SLAMF6: variants seen among roughly 807,000 people sequenced by gnomAD.
SLAMF6 encodes the protein NK-T-B-antigen.
A neutral mutation model predicts 38.3 loss-of-function variants in SLAMF6; 21 were observed. The ratio of observed to expected loss-of-function variants is 0.55; its 90% CI spans 0.39 to 0.79. SLAMF6 has a LOEUF of 0.79. SLAMF6 is among the 30% of genes least tolerant of loss of function. SLAMF6 has a pLI of 0.00. For missense variants in SLAMF6, 341 were observed against 385.3 expected (o/e 0.89, Z 0.96); for synonymous variants, 152 against 146.3 (o/e 1.04, Z -0.28).
chr1:160,499,852 C>T lies in SLAMF6; in HGVS notation c.50-3459G>A, dbSNP rs182131639. On this transcript the variant is annotated intron_variant, in intron 1 of 7. Transcript: ENST00000368057. ...ATGGGTTCCAGGCACATGAACATTGCTGTCATCAACATCTTTCCCATCAGC... is the reference window on the plus strand; with the variant it reads ...ATGGGTTCCAGGCACATGAACATTGTTGTCATCAACATCTTTCCCATCAGC... Among the ~76,000 whole-genome samples, 4 of 152,332 alleles carry T rather than the reference C, an allele frequency of 2.6e-5. No homozygotes were observed. The East Asian group carries it at 7.7e-4, about 29-fold the overall frequency.
intron 1 of SLAMF6, among the ~76,000 whole-genome samples, chr1:160,518,082 A>G (rs1654826137): frequency 6.6e-6 from 1 of 152,082 alleles, no homozygotes; most frequent in Admixed American, 6.6e-5. Flanking sequence ...TGTAACTATG[A>G]ATTCCATTAA....
chr1:160,510,203 C>A (rs1557946659), intron 1 of SLAMF6, among the ~76,000 whole-genome samples: 1 of 152,116 alleles, frequency 6.6e-6, no homozygotes, highest in East Asian at 1.9e-4. Context: ...TCAAGCTCTT[C>A]CCAAAAATAG....
chr1:160,496,409 G>A lies in SLAMF6; in HGVS notation c.50-16C>T, dbSNP rs747136050. 6.2e-7 allele frequency: 1 copy of A among 1,607,850 alleles called. No individual in the cohort carries two copies. ...ACTACATTCCCTGTAAACACAGAAG[G>A]AAAGGTTTTAAAAATGTTCCTGACC... On this transcript the variant is annotated splice_polypyrimidine_tract_variant and intron_variant, in intron 1 of 7. Coordinates refer to ENST00000368057, the MANE Select transcript of SLAMF6 (RefSeq NM_001184714.2).
At chr1:160,497,659 C>T (rs557012401) in intron 1 of SLAMF6, among the ~76,000 whole-genome samples, 19 of 151,982 alleles carry the variant, frequency 1.3e-4, no homozygotes, top group Non-Finnish European at 2.1e-4. Context: ...TAGTCCACAG[C>T]GTCTATTAAT....
chr1:160,504,262 T>C (rs1272850128), intron 1 of SLAMF6, among the ~76,000 whole-genome samples: 1 of 152,156 alleles, frequency 6.6e-6, no homozygotes, highest in Non-Finnish European at 1.5e-5. Context: ...GAGTAGATTT[T>C]AGATACTCTT....
intron 1 of SLAMF6, among the ~76,000 whole-genome samples, chr1:160,503,485 G>C (rs1276012601): frequency 2.0e-5 from 3 of 152,110 alleles, no homozygotes; most frequent in Non-Finnish European, 4.4e-5. Flanking sequence ...AGCACTTGTA[G>C]CCCAGGAACA....
chr1:160,512,495 T>C (rs969806810), intron 1 of SLAMF6, among the ~76,000 whole-genome samples: 4 of 152,196 alleles, frequency 2.6e-5, no homozygotes, highest in Admixed American at 2.6e-4. Flanking sequence ...ACATCCTTTC[T>C]GCCAAGGGAC....
At chr1:160,490,925 C>A (rs921956219) in intron 3 of SLAMF6, among the ~76,000 whole-genome samples, 200 bp downstream of exon 3, 1 of 151,836 alleles carries the variant, frequency 6.6e-6, no homozygotes, top group African/African-American at 2.4e-5. Context: ...GTAGGTTGGA[C>A]GAGGGGTTGG....
chr1:160,516,725 T>C (rs1654761380), intron 1 of SLAMF6, among the ~76,000 whole-genome samples: 1 of 152,138 alleles, frequency 6.6e-6, no homozygotes, highest in South Asian at 2.1e-4. Context: ...CACTATCTGA[T>C]CTTCAAAAAA....
chr1:160,500,179 C>A (rs1345636497), intron 1 of SLAMF6, among the ~76,000 whole-genome samples: 2 of 152,126 alleles, frequency 1.3e-5, no homozygotes, highest in African/African-American at 4.8e-5. Context: ...TATGATAATT[C>A]ATTGAGCTGA....
At position 160,491,262 on chromosome 1, in the gene SLAMF6, C is replaced by T; in HGVS notation, c.509G>A (p.Gly170Glu). Residue 170 changes from glycine to glutamate, a missense_variant, in exon 3 of 8, where the codon GGA (glycine) becomes GAA (glutamate). By Grantham distance (98) the Gly-to-Glu change is moderately conservative (BLOSUM62 -2). Coordinates refer to ENST00000368057, the MANE Select transcript of SLAMF6 (RefSeq NM_001184714.2). ...DNVSFRWEAL[G>E]NTLSSQPNLT... The stretch of plus-strand genomic sequence containing the variant: ...GTTTGGCTGACTTGAAAGTGTGTTT[C>T]CCAAGGCCTCCCATCTGAATGAGAC... The T allele has an allele frequency of 6.2e-7, 1 of 1,614,096 alleles. No homozygotes were observed. The highest frequency in any genetic ancestry group is 8.5e-7 in the Non-Finnish European group (1 of 1,179,988).
rs1189041125 is a variant in SLAMF6, at chr1:160,489,164, G to A, written c.803C>T (p.Ser268Phe). The change falls in exon 6 of 8, where the codon TCC becomes TTC. Residue 268 changes from serine to phenylalanine, a missense_variant. Coordinates refer to ENST00000368057, the MANE Select transcript of SLAMF6 (RefSeq NM_001184714.2). ...STQRTQGPAESARNLEYVSVS... is the reference protein window; with the variant it reads ...STQRTQGPAEFARNLEYVSVS... ...TGAAACATACTCTAGGTTCCTTGCGGACTCTGCTGTTAACATAGGAAGGCA... is the reference window on the plus strand; with the variant it reads ...TGAAACATACTCTAGGTTCCTTGCGAACTCTGCTGTTAACATAGGAAGGCA... 1.2e-6 allele frequency: 2 copies of A among 1,613,728 alleles called. No individual in the cohort carries two copies. The highest frequency in any genetic ancestry group is 1.3e-5 in the African/African-American group (1 of 74,896).
At chr1:160,501,093 T>C (rs1029948483) in intron 1 of SLAMF6, among the ~76,000 whole-genome samples, 2 of 152,200 alleles carry the variant, frequency 1.3e-5, no homozygotes, top group South Asian at 4.1e-4. Context: ...TATTTATTTG[T>C]TTGTTTGTTT....
chr1:160,515,078 T>C (rs1445158193), intron 1 of SLAMF6, among the ~76,000 whole-genome samples: 1 of 152,100 alleles, frequency 6.6e-6, no homozygotes, highest in African/African-American at 2.4e-5. Flanking sequence ...TCTGGTTTTT[T>C]GAAAAACTAA....
intron 5 of SLAMF6, among the ~76,000 whole-genome samples, chr1:160,489,439 G>A (rs555914541): frequency 6.6e-6 from 1 of 152,264 alleles, no homozygotes; most frequent in South Asian, 2.1e-4. Flanking sequence ...TCACATGTGG[G>A]TCAGGAAGCT....
At chr1:160,501,527 T>TTAAC (rs1344296718) in intron 1 of SLAMF6, among the ~76,000 whole-genome samples, 1 of 152,184 alleles carries the variant, frequency 6.6e-6, no homozygotes, top group African/African-American at 2.4e-5. Context: ...AAATGTTGAA[T>TTAAC]TGTTAGAGAT....
intron 1 of SLAMF6, among the ~76,000 whole-genome samples, chr1:160,515,923 A>G (rs1346485589): frequency 1.3e-5 from 2 of 152,168 alleles, no homozygotes; most frequent in Admixed American, 6.5e-5. Flanking sequence ...AACTGGAAGC[A>G]TTTCTTGTGA....
At position 160,485,307 on chromosome 1, in the gene SLAMF6, C is replaced by T. The variant is rs1316470697; in HGVS notation, c.*1400G>A. On this transcript the variant is annotated 3_prime_UTR_variant, in exon 8 of 8. Transcript: ENST00000368057. ...ACCTCAAGTGATCTCCCCCCTTGGC[C>T]TCCCAAAGTACAGGGATTACAGGTG... The T allele has an allele frequency of 6.6e-6, 1 of 152,154 alleles. No individual in the cohort carries two copies. The highest frequency in any genetic ancestry group is 1.5e-5 in the Non-Finnish European group (1 of 68,050). The allele number at this position is 152,154 out of a possible 1,614,324, so 9.4% of individuals were successfully genotyped here.
intron 1 of SLAMF6, among the ~76,000 whole-genome samples, chr1:160,507,540 C>G (rs1654252985): frequency 6.6e-6 from 1 of 152,006 alleles, no homozygotes; most frequent in South Asian, 2.1e-4. Context: ...ACCAACAATA[C>G]CTAACATATA....
Sources: allele counts gnomAD v4.1 joint callset (sites outside exome capture counted in the v4.1 genomes callset), GRCh38; gene constraint gnomAD v4.1.1; transcripts MANE v1.5; gene names NCBI Gene and HGNC (gene_info 2026-07-23, HGNC 2026-07-21).